PCDHGA5: variants seen among roughly 807,000 people sequenced by gnomAD.
The protein encoded by PCDHGA5 is protocadherin gamma subfamily A, 5.
A neutral mutation model predicts 56.7 loss-of-function variants in PCDHGA5; 36 were observed. That is an observed-to-expected ratio of 0.64 (90% CI 0.49 to 0.84). The LOEUF is 0.84. Among genes scored for constraint, PCDHGA5 ranks in the 40% least tolerant of loss-of-function variants. The probability of loss-of-function intolerance (pLI) is 0.00; values close to 1 mark genes in which losing one functional copy is unlikely to be tolerated. For missense variants in PCDHGA5, 1,305 were observed against 1,201.5 expected, an observed-to-expected ratio of 1.09 and a Z score of -1.27; for synonymous variants, 563 against 520.2, an observed-to-expected ratio of 1.08 and a Z score of -1.12.
At chr5:141,428,112 A>G (rs2097111373) in intron 1 of PCDHGA5, 1 of 1,607,642 alleles carries the variant, frequency 6.2e-7, no homozygotes, top group Non-Finnish European at 8.5e-7. Context: ...GCTGCAGGCC[A>G]TCGAGCCCGG....
At chr5:141,466,325 C>T (rs1252026939) in intron 1 of PCDHGA5, among the ~76,000 whole-genome samples, 3 of 152,108 alleles carry the variant, frequency 2.0e-5, no homozygotes, top group African/African-American at 7.2e-5. Context: ...CACATGCTAC[C>T]ATGCCTGGAT....
At chr5:141,419,004 T>C in intron 1 of PCDHGA5, 1 of 1,613,886 alleles carries the variant, frequency 6.2e-7, no homozygotes, top group Non-Finnish European at 8.5e-7. Context: ...AATGGGGAAG[T>C]CAGGTGTAGC....
rs2099641960 is a variant in PCDHGA5 at position 141,487,259 on chromosome 5, T to C, written c.2422-7548T>C. On this transcript the variant is annotated intron_variant, in intron 1 of 3. Coordinates refer to ENST00000518069, the MANE Select transcript of PCDHGA5 (RefSeq NM_018918.3). This position sits in a 1 kb window ranked among gnomAD's most constrained non-coding sequence, Gnocchi z 5.0. ...TCGTCTAACCCTCTACTTGGCTGTG[T>C]CCCTAGTGGCAATTTGCTTTGTCTC... 6.2e-7 allele frequency: 1 copy of C among 1,614,132 alleles called. No homozygotes were observed. Among genetic ancestry groups the C allele is most frequent in the Non-Finnish European group, 8.5e-7 (1 of 1,180,012 alleles).
intron 1 of PCDHGA5, chr5:141,428,419 CTCTGT>C (rs2097138377): frequency 4.4e-6 from 2 of 451,802 alleles, no homozygotes; most frequent in African/African-American, 2.0e-5. Context: ...TCACCCTGGT[CTCTGT>C]TCTAAGACTA....
chr5:141,462,597 T>C (rs182073985), intron 1 of PCDHGA5, among the ~76,000 whole-genome samples: 1 of 152,320 alleles, frequency 6.6e-6, no homozygotes, highest in East Asian at 1.9e-4. Context: ...TTCCATTTCA[T>C]ATATTGTATT....
chr5:141,393,588 A>G, intron 1 of PCDHGA5: 1 of 1,613,924 alleles, frequency 6.2e-7, no homozygotes. Context: ...GCCCCCAGGC[A>G]CGCGGCTGCT....
chr5:141,421,905 A>C, intron 1 of PCDHGA5: 1 of 1,613,752 alleles, frequency 6.2e-7, no homozygotes, highest in Non-Finnish European at 8.5e-7. Context: ...GAAAGGGCGC[A>C]GTTCCCATTC....
Position 141,432,323 on chromosome 5 carries a change from T to C in PCDHGA5, c.2422-62484T>C, listed in dbSNP as rs1198710959. The C allele has an allele frequency of 3.4e-5, 55 of 1,614,214 alleles. No individual in the cohort carries two copies. Among genetic ancestry groups the C allele is most frequent in the Non-Finnish European group, 4.7e-5 (55 of 1,180,028 alleles). On this transcript the variant is annotated intron_variant, in intron 1 of 3. Transcript: ENST00000518069. This position sits in a 1 kb window ranked among gnomAD's most constrained non-coding sequence, Gnocchi z 6.0. ...ACTGTATGCGCTGAGCTCCTTCGAC[T>C]ACGAGCAGTTCCGAGACTTGCAAGT...
In PCDHGA5 at chr5:141,511,161, G is replaced by A; in HGVS notation, c.2784G>A (p.Lys928=). 1 of 1,614,176 alleles carries A rather than the reference G, an allele frequency of 6.2e-7. No individual in the cohort carries two copies. The highest frequency in any genetic ancestry group is 8.5e-7 in the Non-Finnish European group (1 of 1,180,010). ...GNGNKKKSGK[K]EKK ...GCAACAAGAAGAAGTCGGGCAAGAA[G>A]GAGAAGAAGTAACATGGAGGCCAGG... Residue 928 remains lysine, a synonymous_variant, in exon 4 of 4, where the codon AAG becomes AAA. Transcript: ENST00000518069.
rs1385557537 is a variant in PCDHGA5 at position 141,415,739 on chromosome 5, GGTT to G, written c.2421+48989_2421+48991del. 2.0e-4 allele frequency: 88 copies of G among 435,112 alleles called. 2 individuals are homozygous for G. In the African/African-American group the frequency reaches 2.4e-3, roughly 12 times the overall value. 27.0% of individuals were successfully genotyped at this position (435,112 alleles called of 1,614,324 possible). A position where few individuals can be genotyped will look rare whatever the true frequency, so the allele number is the denominator to read the frequency against. On this transcript the variant is annotated intron_variant, in intron 1 of 3. Coordinates refer to ENST00000518069, the MANE Select transcript of PCDHGA5 (RefSeq NM_018918.3). ...ATGAGTAGAATTTGATGTTTATTAA[GGTT>G]TTTTTTTTTTTTTTTTTTTTTTTTT...
intron 1 of PCDHGA5, chr5:141,374,945 A>C (rs779694385): frequency 6.2e-7 from 1 of 1,614,034 alleles, no homozygotes; most frequent in Admixed American, 1.7e-5. Context: ...TACAGAAAAG[A>C]TCTCACAAAT....
intron 1 of PCDHGA5, chr5:141,383,640 C>A (rs1305472453): frequency 3.1e-6 from 5 of 1,613,848 alleles, no homozygotes; most frequent in Non-Finnish European, 4.2e-6. Flanking sequence ...TGCCTCAGTA[C>A]CAAGTAACTG....
At chr5:141,508,859 G>C (rs1268915304) in intron 3 of PCDHGA5, among the ~76,000 whole-genome samples, 1 of 152,086 alleles carries the variant, frequency 6.6e-6, no homozygotes, top group Non-Finnish European at 1.5e-5. Flanking sequence ...CCCAGGCTGG[G>C]AAAGGCTGAA....
intron 1 of PCDHGA5, chr5:141,389,837 AC>A (rs2091936174): frequency 6.2e-7 from 1 of 1,613,842 alleles, no homozygotes. Flanking sequence ...GACAGCCACC[AC>A]TCTCGGCCAC....
At chr5:141,505,344 AGCT>A in intron 2 of PCDHGA5, 46 bp from the exon 3 acceptor site, 1 of 1,613,046 alleles carries the variant, frequency 6.2e-7, no homozygotes, top group South Asian at 1.1e-5. Flanking sequence ...GAGGGGCATG[AGCT>A]GTGCCGGCCT....
chr5:141,395,086 C>A, intron 1 of PCDHGA5: 1 of 1,614,166 alleles, frequency 6.2e-7, no homozygotes, highest in Non-Finnish European at 8.5e-7. Context: ...CAGGAAGTCT[C>A]CCTCACCGCC....
chr5:141,421,047 C>G, intron 1 of PCDHGA5: 1 of 552,794 alleles, frequency 1.8e-6, no homozygotes, highest in Middle Eastern at 4.8e-4. Flanking sequence ...CCTCCCCCGC[C>G]TCTACCACAC....
At chr5:141,425,745 G>A (rs776065455) in intron 1 of PCDHGA5, among the ~76,000 whole-genome samples, 26 of 152,100 alleles carry the variant, frequency 1.7e-4, no homozygotes, top group Non-Finnish European at 2.9e-4. Flanking sequence ...TTCCCACAAG[G>A]TTTTTGTTCT....
chr5:141,396,654 T>G (rs1489747712), intron 1 of PCDHGA5: 1 of 151,996 alleles, frequency 6.6e-6, no homozygotes, highest in Non-Finnish European at 1.5e-5. Context: ...TAGTAAAAAC[T>G]CGGTATAGGC....
Sources: allele counts gnomAD v4.1 joint callset (sites outside exome capture counted in the v4.1 genomes callset), GRCh38; gene constraint gnomAD v4.1.1; non-coding constraint Gnocchi (gnomAD v3.1); transcripts MANE v1.5; gene names NCBI Gene and HGNC (gene_info 2026-07-23, HGNC 2026-07-21).